Variants in NAA11 observed in about 807,000 individuals in gnomAD.
NAA11 encodes N-alpha-acetyltransferase 11, NatA catalytic subunit.
Under a neutral mutation model 16.1 loss-of-function variants are expected in NAA11, and 15 were observed. That is an observed-to-expected ratio of 0.93 (90% confidence interval 0.62 to 1.44). The LOEUF is 1.44. NAA11 is among the 40% of genes most tolerant of loss of function. NAA11 has a pLI of 0.00. For missense variants in NAA11, 298 were observed against 291.3 expected (o/e 1.02, Z -0.17); for synonymous variants, 122 against 112.4 (o/e 1.09, Z -0.54).
chr4:79,206,748 C>A, the NAA11 span, among the ~76,000 whole-genome samples: 1 of 152,204 alleles, frequency 6.6e-6, no homozygotes, highest in East Asian at 1.9e-4. Context: ...TCGGACACAG[C>A]AATAAGGTAG....
chr4:79,323,880 G>C (rs1209959708), intron 1 of NAA11, among the ~76,000 whole-genome samples: 1 of 151,996 alleles, frequency 6.6e-6, no homozygotes, highest in Non-Finnish European at 1.5e-5. Flanking sequence ...GCGGGCGCCT[G>C]TAGTCCCAGT....
At chr4:79,203,659 C>T in the NAA11 span, among the ~76,000 whole-genome samples, 1 of 151,260 alleles carries the variant, frequency 6.6e-6, no homozygotes, top group Non-Finnish European at 1.5e-5. Context: ...ACCTCTTCTA[C>T]ATATAACCAC....
chr4:79,172,796 G>T, the NAA11 span, among the ~76,000 whole-genome samples: 2 of 152,030 alleles, frequency 1.3e-5, no homozygotes, highest in East Asian at 1.9e-4. Context: ...GAATTAGTTG[G>T]GCAGTTACAT....
At chr4:79,169,754 T>C in the NAA11 span, among the ~76,000 whole-genome samples, 1 of 152,032 alleles carries the variant, frequency 6.6e-6, no homozygotes, top group Non-Finnish European at 1.5e-5. Flanking sequence ...AACAACCAGA[T>C]CTCATTAGAA....
At chr4:79,257,430 A>AT (rs966660703) in intron 2 of NAA11, among the ~76,000 whole-genome samples, 8 of 151,436 alleles carry the variant, frequency 5.3e-5, no homozygotes, top group East Asian at 1.9e-4. Context: ...TTTGCAAGAG[A>AT]TTTTTTTTTA....
At chr4:79,250,974 T>C (rs1225783925) in intron 2 of NAA11, among the ~76,000 whole-genome samples, 2 of 152,150 alleles carry the variant, frequency 1.3e-5, no homozygotes, top group Non-Finnish European at 2.9e-5. Flanking sequence ...AAATAACAGA[T>C]GCAAGTGAGT....
At chr4:79,306,664 T>C (rs1302406624) in intron 1 of NAA11, 2 of 152,208 alleles carry the variant, frequency 1.3e-5, no homozygotes, top group Admixed American at 1.3e-4. Context: ...AAAAATGACA[T>C]TGTGTCTGTT....
intron 2 of NAA11, among the ~76,000 whole-genome samples, chr4:79,237,652 T>C (rs895526623): frequency 6.6e-5 from 10 of 152,314 alleles, no homozygotes; most frequent in African/African-American, 1.9e-4. Flanking sequence ...TAAACTAAAT[T>C]GTTAAATTAG....
At chr4:79,166,981 T>C in the NAA11 span, among the ~76,000 whole-genome samples, 5 of 147,124 alleles carry the variant, frequency 3.4e-5, no homozygotes, top group Admixed American at 6.7e-5. Flanking sequence ...GGGTGAAACT[T>C]TGGCCCAGTT....
intron 2 of NAA11, among the ~76,000 whole-genome samples, chr4:79,276,867 G>A (rs1005644665): frequency 6.6e-6 from 1 of 152,136 alleles, no homozygotes; most frequent in African/African-American, 2.4e-5. Flanking sequence ...CAGGATTTGA[G>A]TCAATATTTT....
chr4:79,157,199 A>G, the NAA11 span, among the ~76,000 whole-genome samples: 1 of 152,222 alleles, frequency 6.6e-6, no homozygotes, highest in Non-Finnish European at 1.5e-5. Context: ...TGTTGCACCC[A>G]TTACCCAAGC....
At chr4:79,171,836 A>G in the NAA11 span, among the ~76,000 whole-genome samples, 1 of 152,186 alleles carries the variant, frequency 6.6e-6, no homozygotes, top group African/African-American at 2.4e-5. Context: ...TCTACTATAA[A>G]ATACTGTTAC....
chr4:79,296,952 T>G (rs1278973727), intron 1 of NAA11, among the ~76,000 whole-genome samples: 1 of 152,182 alleles, frequency 6.6e-6, no homozygotes, highest in Non-Finnish European at 1.5e-5. Context: ...GCTGCTGTCA[T>G]CAGGGAGGCA....
At chr4:79,155,393 C>G in the NAA11 span, among the ~76,000 whole-genome samples, 1 of 152,204 alleles carries the variant, frequency 6.6e-6, no homozygotes, top group African/African-American at 2.4e-5. Context: ...CACAGGTGCA[C>G]GTTTTTATTT....
intron 2 of NAA11, among the ~76,000 whole-genome samples, chr4:79,237,456 T>C (rs1216688932): frequency 1.3e-5 from 2 of 152,216 alleles, no homozygotes; most frequent in African/African-American, 4.8e-5. Flanking sequence ...CAATAATCTG[T>C]GATTTTTAAA....
At chr4:79,211,119 A>G in the NAA11 span, among the ~76,000 whole-genome samples, 1 of 152,200 alleles carries the variant, frequency 6.6e-6, no homozygotes, top group Non-Finnish European at 1.5e-5. Context: ...CCTTTTGATT[A>G]CATTAGTTGT....
chr4:79,288,422 G>C (rs895551829), intron 2 of NAA11, among the ~76,000 whole-genome samples: 2 of 152,156 alleles, frequency 1.3e-5, no homozygotes, highest in Admixed American at 1.3e-4. Context: ...TTACAAGGAA[G>C]AGGCATTAAA....
chr4:79,252,082 TAAAC>T (rs1439696989), intron 2 of NAA11, among the ~76,000 whole-genome samples: 1 of 152,162 alleles, frequency 6.6e-6, no homozygotes, highest in African/African-American at 2.4e-5. Flanking sequence ...AAATAACTCA[TAAAC>T]AAAGTCAAAT....
intron 2 of NAA11, among the ~76,000 whole-genome samples, chr4:79,289,640 G>T (rs553334752): frequency 2.1e-4 from 32 of 152,284 alleles, no homozygotes; most frequent in African/African-American, 7.7e-4. Flanking sequence ...TTGGTGGGAA[G>T]CTGGGATTTG....
Sources: gnomAD v4.1 joint callset for allele counts (sites outside exome capture counted in the v4.1 genomes callset) on GRCh38, gnomAD v4.1.1 for gene constraint, MANE v1.5 for transcripts, NCBI Gene and HGNC (gene_info 2026-07-23, HGNC 2026-07-21) for gene names.